Variants in MCC observed in about 807,000 individuals in gnomAD.
MCC encodes the protein MCC regulator of Wnt signaling pathway.
MCC carries 90 observed loss-of-function variants against 116.2 expected under a neutral mutation model. The ratio of observed to expected loss-of-function variants is 0.77; its 90% CI spans 0.65 to 0.92. MCC has a LOEUF of 0.92. Ranked by LOEUF, MCC falls within the 40% of genes least tolerant of loss-of-function variation. MCC has a pLI of 0.00. For missense variants in MCC, 1,516 were observed against 1,312.2 expected (o/e 1.16, Z -2.40); for synonymous variants, 578 against 510.5 (o/e 1.13, Z -1.78).
intron 3 of MCC, among the ~76,000 whole-genome samples, chr5:113,257,011 C>G (rs1765030555): frequency 6.6e-6 from 1 of 152,136 alleles, no homozygotes; most frequent in South Asian, 2.1e-4. Flanking sequence ...GGTTACTAAT[C>G]AGTTATCACC....
chr5:113,033,287 A>G (rs1751091844), intron 17 of MCC, among the ~76,000 whole-genome samples: 1 of 152,242 alleles, frequency 6.6e-6, no homozygotes, highest in African/African-American at 2.4e-5. Context: ...GGCGTAAGGC[A>G]GAAGAGTTCC....
chr5:113,088,882 C>G (rs1291659389), intron 8 of MCC, among the ~76,000 whole-genome samples: 1 of 152,138 alleles, frequency 6.6e-6, no homozygotes, highest in Non-Finnish European at 1.5e-5. Context: ...CTCATGGGCT[C>G]AAGAGATTTT....
intron 3 of MCC, among the ~76,000 whole-genome samples, chr5:113,332,671 T>G (rs770387588): frequency 6.6e-6 from 1 of 151,448 alleles, no homozygotes; most frequent in Non-Finnish European, 1.5e-5. Context: ...ATGGTTGCCG[T>G]TTTACTAGGG....
At position 113,488,232 on chromosome 5, in the gene MCC, C is replaced by A; in HGVS notation, c.170+13G>T. ...TCTCGCTCCTGTCGGTTTCCTCGTACCTCCCCGCGTACCTGCTGATGTATC... is the reference window on the plus strand; with the variant it reads ...TCTCGCTCCTGTCGGTTTCCTCGTAACTCCCCGCGTACCTGCTGATGTATC... On this transcript the variant is annotated intron_variant, in intron 1 of 18. Coordinates refer to ENST00000408903, the MANE Select transcript of MCC (RefSeq NM_001085377.2). 1 of 1,584,828 alleles carries A rather than the reference C, an allele frequency of 6.3e-7. No homozygotes were observed. The highest frequency in any genetic ancestry group is 8.6e-7 in the Non-Finnish European group (1 of 1,166,864).
chr5:113,377,301 T>C (rs1261687008), intron 2 of MCC, among the ~76,000 whole-genome samples: 1 of 152,004 alleles, frequency 6.6e-6, no homozygotes, highest in East Asian at 1.9e-4. Flanking sequence ...AGGGGTTGTA[T>C]AGGGGTCATA....
At chr5:113,070,512 A>T (rs1434195169) in intron 12 of MCC, among the ~76,000 whole-genome samples, 1 of 152,236 alleles carries the variant, frequency 6.6e-6, no homozygotes, top group Non-Finnish European at 1.5e-5. Flanking sequence ...AAGACCAGGA[A>T]AATATTCATA....
At chr5:113,232,725 A>G (rs1348641706) in intron 3 of MCC, among the ~76,000 whole-genome samples, 1 of 152,190 alleles carries the variant, frequency 6.6e-6, no homozygotes, top group Non-Finnish European at 1.5e-5. Context: ...AGTATAATTA[A>G]TATAATATTT....
intron 3 of MCC, among the ~76,000 whole-genome samples, chr5:113,245,650 T>C (rs1241141812): frequency 1.3e-5 from 2 of 152,168 alleles, no homozygotes; most frequent in African/African-American, 2.4e-5. Context: ...CCCTGTAACC[T>C]TCCTAGAGAA....
intron 4 of MCC, among the ~76,000 whole-genome samples, chr5:113,150,958 T>C (rs1016283182): frequency 1.3e-5 from 2 of 152,160 alleles, no homozygotes; most frequent in African/African-American, 4.8e-5. Flanking sequence ...GTGTGAGGAA[T>C]GCTTGAGCCT....
intron 2 of MCC, among the ~76,000 whole-genome samples, chr5:113,369,884 A>T (rs1768796502): frequency 6.6e-6 from 1 of 152,104 alleles, no homozygotes; most frequent in African/African-American, 2.4e-5. Context: ...CTTTCCTTCA[A>T]AATCTCTCTC....
intron 1 of MCC, among the ~76,000 whole-genome samples, chr5:113,428,471 C>T (rs1027871544): frequency 2.6e-5 from 4 of 152,196 alleles, no homozygotes; most frequent in African/African-American, 7.2e-5. Flanking sequence ...TCCCCAGAGA[C>T]ACCCCATATC....
chr5:113,155,048 C>A (rs1760095172), intron 3 of MCC, among the ~76,000 whole-genome samples: 1 of 152,178 alleles, frequency 6.6e-6, no homozygotes, highest in Non-Finnish European at 1.5e-5. Flanking sequence ...TCCTCACATT[C>A]TTCCCCACCT....
chr5:113,073,762 C>T (rs1754214574), intron 11 of MCC, among the ~76,000 whole-genome samples: 1 of 152,166 alleles, frequency 6.6e-6, no homozygotes, highest in African/African-American at 2.4e-5. Context: ...GTCCCACGCC[C>T]ACGGAGCTTC....
chr5:113,323,411 T>C (rs1318666197), intron 3 of MCC: 2 of 152,334 alleles, frequency 1.3e-5, no homozygotes, highest in Non-Finnish European at 2.9e-5. Context: ...CAGGAAAGGC[T>C]TCTTTGAGAA....
chr5:113,303,140 T>C (rs1766902650), intron 3 of MCC, among the ~76,000 whole-genome samples: 1 of 152,196 alleles, frequency 6.6e-6, no homozygotes, highest in African/African-American at 2.4e-5. Flanking sequence ...AGATTCCTAT[T>C]TGACATCTAA....
intron 15 of MCC, among the ~76,000 whole-genome samples, chr5:113,052,345 C>G (rs1009620577): frequency 6.6e-6 from 1 of 151,590 alleles, no homozygotes; most frequent in Non-Finnish European, 1.5e-5. Flanking sequence ...ATGATGGACC[C>G]AAGTCTAGCT....
chr5:113,094,185 A>T (rs1755853422), intron 8 of MCC, among the ~76,000 whole-genome samples: 1 of 152,170 alleles, frequency 6.6e-6, no homozygotes, highest in Non-Finnish European at 1.5e-5. Flanking sequence ...TCTTTCTATA[A>T]ATCAAATTTA....
At chr5:113,174,590 A>G (rs1761234243) in intron 3 of MCC, among the ~76,000 whole-genome samples, 1 of 152,002 alleles carries the variant, frequency 6.6e-6, no homozygotes, top group Non-Finnish European at 1.5e-5. Flanking sequence ...ACATATAGTT[A>G]AAAAATATTT....
In MCC at chr5:113,027,101, G is replaced by A. The variant is rs549469104; in HGVS notation, c.*201C>T. 29 of 572,516 alleles carry A rather than the reference G, an allele frequency of 5.1e-5. No homozygotes were observed. The highest frequency in any genetic ancestry group is 2.9e-4 in the East Asian group (10 of 34,394). 35.5% of individuals were successfully genotyped at this position (572,516 alleles called of 1,614,324 possible). A position where few individuals can be genotyped will look rare whatever the true frequency, so the allele number is the denominator to read the frequency against. ...TGTTGTGGGCCCAGGAGGGAAGAGC[G>A]GGCACCTCTGGATACAGTCCACAAT... On this transcript the variant is annotated 3_prime_UTR_variant, in exon 19 of 19. Transcript: ENST00000408903.
Sources: gnomAD v4.1 joint callset for allele counts (sites outside exome capture counted in the v4.1 genomes callset) on GRCh38, gnomAD v4.1.1 for gene constraint, MANE v1.5 for transcripts, NCBI Gene and HGNC (gene_info 2026-07-23, HGNC 2026-07-21) for gene names.